The following LILRB1 variants were observed in gnomAD, a reference collection of about 807,000 sequenced individuals.
The protein encoded by LILRB1 is leukocyte immunoglobulin-like receptor subfamily B member 1.
A neutral mutation model predicts 74.6 loss-of-function variants in LILRB1; 59 were observed. The ratio of observed to expected loss-of-function variants is 0.79; its 90% CI spans 0.64 to 0.98. The LOEUF is 0.98. Among genes scored for constraint, LILRB1 ranks in the 50% least tolerant of loss-of-function variants. The pLI, the probability that LILRB1 is intolerant of heterozygous loss-of-function variation, is 0.00. For synonymous variants in LILRB1, 328 were observed against 333.9 expected, an observed-to-expected ratio of 0.98 and a Z score of 0.19; for missense variants, 804 against 822.6, an observed-to-expected ratio of 0.98 and a Z score of 0.28.
intron 1 of LILRB1, among the ~76,000 whole-genome samples, chr19:54,619,953 C>CA (rs1568562181): frequency 0.013 from 411 of 30,814 alleles, 1 homozygote; most frequent in African/African-American, 0.036. Context: ...TGTTAAACCT[C>CA]GTTTTTTTTT....
intron 13 of LILRB1, chr19:54,636,071 A>G (rs1392564497): frequency 5.5e-6 from 3 of 543,530 alleles, no homozygotes; most frequent in Non-Finnish European, 7.3e-6. Context: ...CCAGGAGTGC[A>G]ACGTGCTGTA....
At position 54,637,948 on chromosome 19, in the gene LILRB1, GAT is replaced by G. The variant is rs750740129; in HGVS notation, c.*1071_*1072del. Among the ~76,000 whole-genome samples the G allele has an allele frequency of 1.3e-5, 2 of 151,852 alleles. No homozygotes were observed. The highest frequency in any genetic ancestry group is 2.4e-5 in the African/African-American group (1 of 41,160). Reference sequence around the variant, plus strand: ...TAATCAGAGAATCTGACTCATTTTAGATGTGTGTGTGTGTGTATATATATGTG... The same window carrying G: ...TAATCAGAGAATCTGACTCATTTTAGGTGTGTGTGTGTGTATATATATGTG... On this transcript the variant is annotated 3_prime_UTR_variant, in exon 15 of 15. Coordinates refer to ENST00000324602, the MANE Select transcript of LILRB1 (RefSeq NM_001081637.3).
chr19:54,634,950 T>C (rs1358568123), intron 10 of LILRB1, 154 bp from the exon 11 acceptor site: 35 of 1,444,124 alleles, frequency 2.4e-5, no homozygotes, highest in Admixed American at 4.3e-5. Flanking sequence ...CATCTACAAA[T>C]GTAAAGTGTC....
chr19:54,632,130 G>A lies in LILRB1; in HGVS notation c.554G>A (p.Gly185Asp). The change falls in exon 5 of 15, where the codon GGC (glycine) becomes GAC (aspartate). Residue 185 changes from glycine (G) to aspartate (D), a missense_variant. By Grantham distance (94) the Gly-to-Asp change is moderately conservative. Transcript: ENST00000324602. ...TCGTCCCGCGCCATCTTCTCCGTGG[G>A]CCCCGTGAGCCCGAGTCGCAGGTGG... ...RGSSRAIFSVGPVSPSRRWWY... is the reference protein window; with the variant it reads ...RGSSRAIFSVDPVSPSRRWWY... 2.5e-6 allele frequency: 4 copies of A among 1,614,224 alleles called. No individual in the cohort carries two copies. Among genetic ancestry groups the A allele is most frequent in the Non-Finnish European group, 3.4e-6 (4 of 1,180,032 alleles).
chr19:54,626,144 C>T (rs577513818), upstream of LILRB1, among the ~76,000 whole-genome samples: 47 of 152,216 alleles, frequency 3.1e-4, no homozygotes, highest in Admixed American at 1.3e-4. Flanking sequence ...CAGCCCTTTC[C>T]ATTCAGCCAA....
At position 54,634,967 on chromosome 19, in the gene LILRB1, G is replaced by A. The variant is rs542814485; in HGVS notation, c.1487-137G>A. On this transcript the variant is annotated intron_variant, in intron 10 of 14. Transcript: ENST00000324602. ...TCTACAAATGTAAAGTGTCCTTCGG[G>A]CTCTGTCCATCCTATGAGGCATTTG... 548 of 1,451,434 alleles carry A rather than the reference G, an allele frequency of 3.8e-4. 2 individuals carry two copies. Among genetic ancestry groups the A allele is most frequent in the African/African-American group, 1.3e-3 (91 of 70,454 alleles). The allele number at this position is 1,451,434 out of a possible 1,614,324, so 89.9% of individuals were successfully genotyped here. A position where few individuals can be genotyped will look rare whatever the true frequency, so the allele number is the denominator to read the frequency against.
In LILRB1 at chr19:54,633,172, C is replaced by T. The variant is rs61739171; in HGVS notation, c.1115C>T (p.Thr372Met). ...AADDPWRLRS[T>M]YQSQKYQAEF... ...GATGACCCATGGCGTCTAAGATCAA[C>T]GTACCAATCTCAAAAATACCAGGCT... is the stretch of plus-strand genomic sequence containing the variant. Residue 372 changes from threonine to methionine, a missense_variant, in exon 7 of 15, where the codon ACG becomes ATG. Transcript: ENST00000324602. 73,258 of 1,448,452 alleles carry T rather than the reference C, an allele frequency of 0.051. 917 individuals carry two copies. Among genetic ancestry groups the T allele is most frequent in the South Asian group, 0.06 (5,165 of 85,662 alleles). 89.7% of individuals were successfully genotyped at this position (1,448,452 alleles called of 1,614,324 possible). A position where few individuals can be genotyped will look rare whatever the true frequency, so the allele number is the denominator to read the frequency against.
At chr19:54,634,169 A>G in intron 9 of LILRB1, 148 bp downstream of exon 9, 1 of 1,513,564 alleles carries the variant, frequency 6.6e-7, no homozygotes, top group South Asian at 1.3e-5. Flanking sequence ...TAAAGGTGAG[A>G]GGCCTGCGGG....
upstream of LILRB1, among the ~76,000 whole-genome samples, chr19:54,627,393 T>A (rs1045218740): frequency 1.3e-5 from 2 of 152,092 alleles, no homozygotes; most frequent in African/African-American, 4.8e-5. Context: ...ATGACTTTGG[T>A]CAAGCTCAGA....
At chr19:54,617,990 A>G (rs2063353319) in intron 1 of LILRB1, among the ~76,000 whole-genome samples, 1 of 151,698 alleles carries the variant, frequency 6.6e-6, no homozygotes, top group Non-Finnish European at 1.5e-5. Context: ...AATCCCAGCT[A>G]CTTGGGAGAC....
At position 54,631,940 on chromosome 19, in the gene LILRB1, T is replaced by C; in HGVS notation, c.364T>C (p.Tyr122His). ...GGTGCCTCCTTCTCTCCTAGGAGCC[T>C]ACATCAAACCCACCCTCTCAGCCCA... ...DPLELVVTGAYIKPTLSAQPS... is the reference protein window; with the variant it reads ...DPLELVVTGAHIKPTLSAQPS... Residue 122 changes from tyrosine to histidine, a missense_variant, in exon 5 of 15, where the codon TAC becomes CAC. By Grantham distance (83) the Tyr-to-His change is moderately conservative. Coordinates refer to ENST00000324602, the MANE Select transcript of LILRB1 (RefSeq NM_001081637.3). 6.2e-7 allele frequency: 1 copy of C among 1,612,440 alleles called. No individual in the cohort carries two copies. The highest frequency in any genetic ancestry group is 8.5e-7 in the Non-Finnish European group (1 of 1,178,672).
chr19:54,623,006 A>G (rs2063493677), intron 1 of LILRB1, among the ~76,000 whole-genome samples: 1 of 152,152 alleles, frequency 6.6e-6, no homozygotes, highest in South Asian at 2.1e-4. Context: ...CATCCCTGGA[A>G]TCAAGCCAAC....
At position 54,633,308 on chromosome 19, in the gene LILRB1, C is replaced by T. The variant is rs747991058; in HGVS notation, c.1251C>T (p.Leu417=). Residue 417 remains leucine (L), a synonymous_variant, in exon 7 of 15, where the codon CTC becomes CTT. Coordinates refer to ENST00000324602, the MANE Select transcript of LILRB1 (RefSeq NM_001081637.3). ...LLTHPSDPLE[L]VVSGPSGGPS... ...CTCACCCCAGTGACCCCCTGGAGCTCGTGGTCTCAGGTGGGGGCCTTGACC... is the reference window on the plus strand; with the variant it reads ...CTCACCCCAGTGACCCCCTGGAGCTTGTGGTCTCAGGTGGGGGCCTTGACC... 3 of 1,613,732 alleles carry T rather than the reference C, an allele frequency of 1.9e-6. No individual in the cohort carries two copies. Among genetic ancestry groups the T allele is most frequent in the Admixed American group, 1.7e-5 (1 of 59,990 alleles).
rs969777720 is a variant in LILRB1, at chr19:54,634,357, C to T, written c.1364-284C>T. 76 of 1,539,674 alleles carry T rather than the reference C, an allele frequency of 4.9e-5. 1 individual carries two copies. Among genetic ancestry groups the T allele is most frequent in the Non-Finnish European group, 6.2e-5 (71 of 1,138,818 alleles). On this transcript the variant is annotated intron_variant, in intron 9 of 14. Transcript: ENST00000324602. ...TGGTTCAGGACGGTCAGGCTCTTTC[C>T]CTGCAGCTCCGGGGCTCGGCTCTGG... is the stretch of plus-strand genomic sequence containing the variant.
upstream of LILRB1, among the ~76,000 whole-genome samples, chr19:54,627,611 A>AC (rs1568571373): frequency 2.2e-4 from 33 of 152,330 alleles, no homozygotes; most frequent in African/African-American, 7.9e-4. Flanking sequence ...TTGCCCAGCA[A>AC]CGGCATCTCC....
intron 1 of LILRB1, 83 bp downstream of exon 1, chr19:54,630,716 G>A (rs969335528): frequency 5.2e-6 from 4 of 763,938 alleles, no homozygotes; most frequent in Non-Finnish European, 9.1e-6. Context: ...GGAAGGAGAT[G>A]CCTCCGCTAC....
chr19:54,627,309 T>A (rs940978265), upstream of LILRB1, among the ~76,000 whole-genome samples: 1 of 152,108 alleles, frequency 6.6e-6, no homozygotes, highest in African/African-American at 2.4e-5. Context: ...TTCCTGAAAC[T>A]CTCAGGTTAA....
chr19:54,617,196 G>T (rs2063329258), exon 1 of LILRB1: 1 of 152,134 alleles, frequency 6.6e-6, no homozygotes, highest in African/African-American at 2.4e-5. Context: ...GAAAAGAAAA[G>T]AAAAGAAAAA....
chr19:54,616,763 G>T (rs1471422705), upstream of LILRB1, among the ~76,000 whole-genome samples: 2 of 152,040 alleles, frequency 1.3e-5, no homozygotes, highest in African/African-American at 4.8e-5. Context: ...GAACTGAACT[G>T]TTGTTTTCAT....
Sources: gnomAD v4.1 joint callset for allele counts (sites outside exome capture counted in the v4.1 genomes callset) on GRCh38, gnomAD v4.1.1 for gene constraint, MANE v1.5 for transcripts, NCBI Gene and HGNC (gene_info 2026-07-23, HGNC 2026-07-21) for gene names.